MAP4K5: variants seen among roughly 807,000 people sequenced by gnomAD.
MAP4K5 encodes MAPK/ERK kinase kinase kinase 5.
In MAP4K5, 82 loss-of-function variants were observed where a neutral mutation model predicts 135.6. The ratio of observed to expected loss-of-function variants is 0.60; its 90% CI spans 0.51 to 0.73. MAP4K5 has a LOEUF of 0.73. Among genes scored for constraint, MAP4K5 ranks in the 30% least tolerant of loss-of-function variants. MAP4K5 has a pLI of 0.00. For missense variants in MAP4K5, 907 were observed against 1,010.9 expected (o/e 0.90, Z 1.39); for synonymous variants, 347 against 335.0 (o/e 1.04, Z -0.39).
At chr14:50,425,779 C>T (rs1444416057) in intron 31 of MAP4K5, 128 bp downstream of exon 31, 11 of 522,722 alleles carry the variant, frequency 2.1e-5, no homozygotes, top group African/African-American at 3.8e-5. Context: ...CTTTTTTGTT[C>T]TACCAGTTCA....
intron 2 of MAP4K5, among the ~76,000 whole-genome samples, chr14:50,508,771 A>G (rs951406822): frequency 6.6e-6 from 1 of 152,106 alleles, no homozygotes; most frequent in African/African-American, 2.4e-5. Flanking sequence ...AAACACTTTG[A>G]CACTGTTGGT....
chr14:50,426,985 A>C (rs2035861473), intron 30 of MAP4K5, among the ~76,000 whole-genome samples: 1 of 152,214 alleles, frequency 6.6e-6, no homozygotes, highest in Non-Finnish European at 1.5e-5. Flanking sequence ...AATTAAGCTC[A>C]ATAAAAATAA....
chr14:50,497,248 A>C (rs186164840), intron 3 of MAP4K5, among the ~76,000 whole-genome samples: 21 of 152,334 alleles, frequency 1.4e-4, no homozygotes, highest in Middle Eastern at 3.4e-3. Context: ...TGAATGTACA[A>C]TGTTAAACAG....
intron 2 of MAP4K5, among the ~76,000 whole-genome samples, chr14:50,517,388 G>A (rs1246694213): frequency 6.6e-6 from 1 of 151,886 alleles, no homozygotes; most frequent in Non-Finnish European, 1.5e-5. Context: ...CTGACCTCAG[G>A]TGATTCGCTC....
At chr14:50,550,865 A>T (rs1037658858) in intron 1 of MAP4K5, among the ~76,000 whole-genome samples, 3 of 152,202 alleles carry the variant, frequency 2.0e-5, no homozygotes, top group Admixed American at 1.3e-4. Flanking sequence ...TAGTGACACA[A>T]CTTATCAAAA....
chr14:50,476,190 A>G lies in MAP4K5; in HGVS notation c.427-20T>C. ...AGCACCCTAGAACAAAAATACAAAT[A>G]CAATTAAATTAGCATCATAAAATTT... On this transcript the variant is annotated intron_variant, in intron 7 of 32. Transcript: ENST00000682126. 1 of 1,491,804 alleles carries G rather than the reference A, an allele frequency of 6.7e-7. No individual in the cohort carries two copies. The highest frequency in any genetic ancestry group is 9.0e-7 in the Non-Finnish European group (1 of 1,105,590). 92.4% of individuals were successfully genotyped at this position (1,491,804 alleles called of 1,614,324 possible). A position where few individuals can be genotyped will look rare whatever the true frequency, so the allele number is the denominator to read the frequency against.
chr14:50,553,266 G>A (rs1281989988), intron 1 of MAP4K5, among the ~76,000 whole-genome samples: 3 of 133,164 alleles, frequency 2.3e-5, no homozygotes, highest in Non-Finnish European at 5.0e-5. Flanking sequence ...GCAAGACTCC[G>A]TTTCAAAAAA....
intron 2 of MAP4K5, among the ~76,000 whole-genome samples, chr14:50,529,942 T>G (rs2038350889): frequency 6.6e-6 from 1 of 152,014 alleles, no homozygotes; most frequent in Admixed American, 6.6e-5. Context: ...AGCATTTGGG[T>G]AAGGCTTTCA....
At chr14:50,461,369 A>G (rs998735716) in intron 13 of MAP4K5, among the ~76,000 whole-genome samples, 5 of 152,072 alleles carry the variant, frequency 3.3e-5, no homozygotes, top group Non-Finnish European at 7.3e-5. Flanking sequence ...AAGCTGAAAA[A>G]CAGGAAATAG....
intron 1 of MAP4K5, among the ~76,000 whole-genome samples, chr14:50,557,593 G>A (rs2038779971): frequency 6.6e-6 from 1 of 152,114 alleles, no homozygotes; most frequent in Non-Finnish European, 1.5e-5. Context: ...TCATCTATAT[G>A]TGGGCATTCA....
At chr14:50,503,906 T>C (rs1211442981) in intron 3 of MAP4K5, among the ~76,000 whole-genome samples, 1 of 152,014 alleles carries the variant, frequency 6.6e-6, no homozygotes. Flanking sequence ...CCTATTTGTG[T>C]TAGTGACATT....
intron 2 of MAP4K5, among the ~76,000 whole-genome samples, chr14:50,509,674 A>T (rs1198174714): frequency 1.1e-5 from 1 of 88,246 alleles, no homozygotes; most frequent in Non-Finnish European, 2.9e-5. Flanking sequence ...AACTGGAATT[A>T]AAAAAAAAAA....
At chr14:50,428,378 C>G (rs1329937973) in intron 30 of MAP4K5, among the ~76,000 whole-genome samples, 1 of 152,156 alleles carries the variant, frequency 6.6e-6, no homozygotes, top group African/African-American at 2.4e-5. Flanking sequence ...GCCTCAGCCT[C>G]CCAAGTAGTT....
chr14:50,497,362 T>A (rs1045857073), intron 3 of MAP4K5, among the ~76,000 whole-genome samples: 8 of 152,220 alleles, frequency 5.3e-5, no homozygotes, highest in African/African-American at 1.9e-4. Flanking sequence ...CAAATTAACA[T>A]TTTCCATTAA....
At chr14:50,466,786 T>C in intron 10 of MAP4K5, 141 bp from the exon 11 acceptor site, 1 of 468,888 alleles carries the variant, frequency 2.1e-6, no homozygotes, top group Non-Finnish European at 3.9e-6. Flanking sequence ...AGAAATTAAA[T>C]TTTTAATATT....
chr14:50,514,904 A>G (rs1283971429), intron 2 of MAP4K5, among the ~76,000 whole-genome samples: 1 of 66,212 alleles, frequency 1.5e-5, no homozygotes, highest in African/African-American at 6.2e-5. Flanking sequence ...GGTCATCCTT[A>G]TTCTTTTTTT....
chr14:50,521,361 G>A (rs1358271236), intron 2 of MAP4K5, among the ~76,000 whole-genome samples: 2 of 152,156 alleles, frequency 1.3e-5, no homozygotes, highest in Non-Finnish European at 2.9e-5. Context: ...AATGTGTTAA[G>A]GACTATGTGT....
intron 13 of MAP4K5, among the ~76,000 whole-genome samples, chr14:50,461,418 A>T (rs1462727303): frequency 1.3e-5 from 2 of 152,146 alleles, no homozygotes. Flanking sequence ...AAAGGGAAAT[A>T]AAATAAATAA....
chr14:50,462,167 A>T (rs950495644), intron 13 of MAP4K5, among the ~76,000 whole-genome samples: 1 of 152,202 alleles, frequency 6.6e-6, no homozygotes, highest in Non-Finnish European at 1.5e-5. Context: ...AATAATATGC[A>T]TATGTGTTGT....
Sources: gnomAD v4.1 joint callset for allele counts (sites outside exome capture counted in the v4.1 genomes callset) on GRCh38, gnomAD v4.1.1 for gene constraint, MANE v1.5 for transcripts, NCBI Gene and HGNC (gene_info 2026-07-23, HGNC 2026-07-21) for gene names.